Variants in BCKDHA observed in about 807,000 individuals in gnomAD.
BCKDHA encodes the protein 2-oxoisovalerate dehydrogenase subunit alpha, mitochondrial.
Under a neutral mutation model 52.2 loss-of-function variants are expected in BCKDHA, and 43 were observed. That is an observed-to-expected ratio of 0.82 (90% CI 0.64 to 1.06). The LOEUF (loss-of-function observed/expected upper bound fraction) is 1.06, where lower values mean the gene tolerates loss of function less well. BCKDHA is among the 50% of genes least tolerant of loss of function. The pLI, the probability that BCKDHA is intolerant of heterozygous loss-of-function variation, is 0.00. For synonymous variants in BCKDHA, 234 were observed against 247.9 expected (o/e 0.94, Z 0.53); for missense variants, 527 against 621.3 (o/e 0.85, Z 1.61).
At chr19:41,413,950 A>G in intron 3 of BCKDHA, 99 bp from the exon 4 acceptor site, 2 of 1,032,734 alleles carry the variant, frequency 1.9e-6, no homozygotes, top group Non-Finnish European at 1.5e-6. Context: ...GAGGACTGTG[A>G]ATTCATGGAG....
At chr19:41,419,850 C>G (rs1282284512) in intron 5 of BCKDHA, among the ~76,000 whole-genome samples, 1 of 149,464 alleles carries the variant, frequency 6.7e-6, no homozygotes, top group East Asian at 2.0e-4. Flanking sequence ...TCACTGTAAC[C>G]TCCACCTCCC....
At position 41,424,576 on chromosome 19, in the gene BCKDHA, G is replaced by A. The variant is rs1298823471; in HGVS notation, c.1306G>A (p.Glu436Lys). 1 of 1,613,156 alleles carries A rather than the reference G, an allele frequency of 6.2e-7. No individual in the cohort carries two copies. Among genetic ancestry groups the A allele is most frequent in the African/African-American group, 1.3e-5 (1 of 74,880 alleles). ...SLARHLQTYG[E>K]HYPLDHFDK is the part of the protein sequence containing the mutation. ...GGCCCGCCACCTGCAGACCTACGGG[G>A]AGCACTACCCACTGGATCACTTCGA... Residue 436 changes from glutamate to lysine, a missense_variant, in exon 9 of 9, where the codon GAG becomes AAG. Physicochemically the swap from Glu to Lys is moderately conservative, Grantham distance 56 (BLOSUM62 1). Transcript: ENST00000269980.
chr19:41,412,325 C>G (rs1052673901), intron 3 of BCKDHA, among the ~76,000 whole-genome samples: 2 of 150,264 alleles, frequency 1.3e-5, no homozygotes, highest in Non-Finnish European at 3.0e-5. Flanking sequence ...CCTGTCTCCT[C>G]CCTCCCCCTT....
chr19:41,410,851 C>A, intron 2 of BCKDHA, 35 bp downstream of exon 2: 10 of 1,613,680 alleles, frequency 6.2e-6, no homozygotes, highest in Non-Finnish European at 7.6e-6. Context: ...CCGTGCCCCC[C>A]ACGCCCAGGC....
intron 1 of BCKDHA, chr19:41,399,392 G>T (rs1354517381): frequency 6.7e-6 from 1 of 149,648 alleles, no homozygotes; most frequent in East Asian, 2.0e-4. Context: ...TCAGTCCCAG[G>T]GGCCCATTGG....
At chr19:41,402,060 A>G (rs979819283) in intron 1 of BCKDHA, among the ~76,000 whole-genome samples, 9 of 152,240 alleles carry the variant, frequency 5.9e-5, no homozygotes, top group African/African-American at 2.2e-4. Flanking sequence ...GAGCAAAGTC[A>G]CATCTTACAT....
At position 41,424,713 on chromosome 19, in the gene BCKDHA, G is replaced by C; in HGVS notation, c.*105G>C. 1 of 1,322,406 alleles carries C rather than the reference G, an allele frequency of 7.6e-7. No individual in the cohort carries two copies. Among genetic ancestry groups the C allele is most frequent in the Non-Finnish European group, 1.0e-6 (1 of 972,796 alleles). The allele number at this position is 1,322,406 out of a possible 1,614,324, so 81.9% of individuals were successfully genotyped here. ...AGCACACCACTGTCTTCCCCAGTCA[G>C]CTCCCTCTAAAATACTCAGCGGCCA... On this transcript the variant is annotated 3_prime_UTR_variant, in exon 9 of 9. Transcript: ENST00000269980.
chr19:41,416,854 A>G (rs548088341), intron 4 of BCKDHA, among the ~76,000 whole-genome samples: 1 of 152,212 alleles, frequency 6.6e-6, no homozygotes, highest in Non-Finnish European at 1.5e-5. Context: ...GAGGTTCAAG[A>G]CTGCAGTGAG....
rs530972813 is a variant in BCKDHA at position 41,412,380 on chromosome 19, C to CTT, written c.375+1388_375+1389dup. Among the ~76,000 whole-genome samples, 35 of 65,870 alleles carry CTT rather than the reference C, an allele frequency of 5.3e-4. 2 individuals are homozygous for CTT. Among genetic ancestry groups the CTT allele is most frequent in the East Asian group, 4.9e-3 (13 of 2,672 alleles). The allele number at this position is 65,870 out of a possible 152,430, so 43.2% of individuals were successfully genotyped here. On this transcript the variant is annotated intron_variant, in intron 3 of 8. Transcript: ENST00000269980. ...TCATTCCCTCTGTCTGTAGATATTT[C>CTT]TTTTTTTTTTTTTTTTTTACTTTTG...
chr19:41,419,353 C>T, intron 5 of BCKDHA, 57 bp downstream of exon 5: 1 of 1,557,238 alleles, frequency 6.4e-7, no homozygotes, highest in Non-Finnish European at 8.7e-7. Flanking sequence ...CACCCCTGTC[C>T]AGGCCTCAGC....
At position 41,397,919 on chromosome 19, in the gene BCKDHA, G is replaced by GATCT; in HGVS notation, c.92_93insATCT (p.Gly32SerfsTer5). 6.2e-7 allele frequency: 1 copy of GATCT among 1,613,992 alleles called. No homozygotes were observed. The highest frequency in any genetic ancestry group is 8.5e-7 in the Non-Finnish European group (1 of 1,179,992). On this transcript the variant is annotated frameshift_variant, in exon 1 of 9. Transcript: ENST00000269980. LOFTEE classifies it high-confidence loss of function. ...CTGCTGCTGCGGCAGCCTGGGGCTC[G>GATCT]GGGACTGGCTAGATCTGTGAGTACC...
chr19:41,420,645 A>G (rs945899795), intron 5 of BCKDHA, among the ~76,000 whole-genome samples: 1 of 151,898 alleles, frequency 6.6e-6, no homozygotes, highest in Non-Finnish European at 1.5e-5. Flanking sequence ...GCTAACGGTC[A>G]TGTGGCACAG....
At chr19:41,418,242 T>G (rs1238887616) in intron 4 of BCKDHA, among the ~76,000 whole-genome samples, 1 of 152,066 alleles carries the variant, frequency 6.6e-6, no homozygotes, top group Non-Finnish European at 1.5e-5. Context: ...CCGGTCTGAG[T>G]GCTTGCAGCA....
chr19:41,409,564 C>T (rs937069472), intron 1 of BCKDHA, among the ~76,000 whole-genome samples: 11 of 151,982 alleles, frequency 7.2e-5, no homozygotes, highest in Middle Eastern at 3.2e-3. Context: ...AGCAGTTTGC[C>T]AGGCGATAGG....
At chr19:41,399,474 C>G (rs1313395908) in intron 1 of BCKDHA, 3 of 151,120 alleles carry the variant, frequency 2.0e-5, no homozygotes, top group African/African-American at 7.3e-5. Flanking sequence ...CTGATTAAAT[C>G]TTTCTCTCCT....
In BCKDHA at chr19:41,422,389, G is replaced by T; in HGVS notation, c.853+19G>T. Reference sequence around the variant, plus strand: ...GGCATTGGTATGGGCTCTGCTGGCTGCTCCCCACCCCGCTGGGATCATCTC... The same window carrying T: ...GGCATTGGTATGGGCTCTGCTGGCTTCTCCCCACCCCGCTGGGATCATCTC... On this transcript the variant is annotated intron_variant, in intron 6 of 8. Transcript: ENST00000269980. 6.2e-7 allele frequency: 1 copy of T among 1,613,718 alleles called. No homozygotes were observed. The highest frequency in any genetic ancestry group is 8.5e-7 in the Non-Finnish European group (1 of 1,179,772).
chr19:41,403,043 G>C (rs1272848274), intron 1 of BCKDHA, among the ~76,000 whole-genome samples: 1 of 152,122 alleles, frequency 6.6e-6, no homozygotes, highest in African/African-American at 2.4e-5. Flanking sequence ...GCCTTTGTAG[G>C]TATGAGGTCC....
intron 3 of BCKDHA, among the ~76,000 whole-genome samples, chr19:41,412,205 T>C (rs962931952): frequency 4.0e-5 from 6 of 149,700 alleles, no homozygotes; most frequent in Non-Finnish European, 8.8e-5. Context: ...TGTCTGAACT[T>C]GACCTCGACA....
intron 5 of BCKDHA, among the ~76,000 whole-genome samples, chr19:41,419,667 C>G (rs912986677): frequency 6.8e-6 from 1 of 148,034 alleles, no homozygotes; most frequent in Non-Finnish European, 1.5e-5. Flanking sequence ...GTCTCAAACT[C>G]CCGGCCTCAG....
Sources: allele counts gnomAD v4.1 joint callset (sites outside exome capture counted in the v4.1 genomes callset), GRCh38; gene constraint gnomAD v4.1.1; transcripts MANE v1.5; gene names NCBI Gene and HGNC (gene_info 2026-07-23, HGNC 2026-07-21).